FHIT: variants seen among roughly 807,000 people sequenced by gnomAD.
The protein encoded by FHIT is fragile histidine triad diadenosine triphosphatase, also known as bis(5'-adenosyl)-triphosphatase.
A neutral mutation model predicts 17.9 loss-of-function variants in FHIT; 19 were observed. The ratio of observed to expected loss-of-function variants is 1.06; its 90% CI spans 0.74 to 1.56. The LOEUF is 1.56. FHIT is among the 40% of genes most tolerant of loss of function. The probability of loss-of-function intolerance (pLI) is 0.00; values close to 1 mark genes in which losing one functional copy is unlikely to be tolerated. For missense variants in FHIT, 248 were observed against 189.2 expected, an observed-to-expected ratio of 1.31 and a Z score of -1.82; for synonymous variants, 81 against 69.7, an observed-to-expected ratio of 1.16 and a Z score of -0.81.
intron 5 of FHIT, among the ~76,000 whole-genome samples, chr3:60,057,257 A>T (rs1009918854): frequency 6.6e-6 from 1 of 152,142 alleles, no homozygotes; most frequent in Non-Finnish European, 1.5e-5. Flanking sequence ...GAAGTAGACT[A>T]GGGGAGTTAA....
At chr3:60,203,375 T>C (rs1201915377) in intron 5 of FHIT, among the ~76,000 whole-genome samples, 1 of 152,202 alleles carries the variant, frequency 6.6e-6, no homozygotes, top group Admixed American at 6.5e-5. Context: ...AAAAAATATT[T>C]GTATGATAAT....
intron 5 of FHIT, among the ~76,000 whole-genome samples, chr3:60,224,477 G>T (rs1393616766): frequency 6.6e-6 from 1 of 152,038 alleles, no homozygotes; most frequent in Admixed American, 6.6e-5. Flanking sequence ...GTTCTTCAAG[G>T]AATCTTCGAA....
chr3:60,783,241 G>C (rs1553726094), intron 4 of FHIT, among the ~76,000 whole-genome samples: 1 of 152,164 alleles, frequency 6.6e-6, no homozygotes, highest in African/African-American at 2.4e-5. Flanking sequence ...TGGGGGATGG[G>C]TGACACATAC....
intron 5 of FHIT, among the ~76,000 whole-genome samples, chr3:60,174,388 T>C (rs575994931): frequency 2.4e-4 from 37 of 152,270 alleles, no homozygotes; most frequent in African/African-American, 8.7e-4. Flanking sequence ...ATGCTCTGTC[T>C]TGATATGCTC....
At chr3:61,108,349 T>G (rs1332192387) in intron 2 of FHIT, among the ~76,000 whole-genome samples, 1 of 152,240 alleles carries the variant, frequency 6.6e-6, no homozygotes, top group Non-Finnish European at 1.5e-5. Flanking sequence ...TATTATTCAT[T>G]CAACATTCAC....
intron 5 of FHIT, among the ~76,000 whole-genome samples, chr3:60,027,134 C>CAAAA (rs1311478100): frequency 1.7e-5 from 2 of 119,778 alleles, no homozygotes; most frequent in South Asian, 3.0e-4. Flanking sequence ...CACACACACA[C>CAAAA]ACACACACAC....
chr3:61,005,586 A>G (rs2031391593), intron 3 of FHIT, among the ~76,000 whole-genome samples: 1 of 152,198 alleles, frequency 6.6e-6, no homozygotes, highest in Non-Finnish European at 1.5e-5. Flanking sequence ...GTTTCAGTAT[A>G]TAGTTGAAGT....
At chr3:61,161,801 T>G (rs947682298) in intron 2 of FHIT, among the ~76,000 whole-genome samples, 1 of 152,184 alleles carries the variant, frequency 6.6e-6, no homozygotes, top group Non-Finnish European at 1.5e-5. Context: ...ACCAGTGACA[T>G]TTTTTATCAA....
At chr3:60,631,106 A>T (rs373307065) in intron 4 of FHIT, among the ~76,000 whole-genome samples, 91 of 152,138 alleles carry the variant, frequency 6.0e-4, no homozygotes, top group African/African-American at 2.1e-3. Context: ...AACAGATAAA[A>T]GTCTCTGTCA....
intron 4 of FHIT, among the ~76,000 whole-genome samples, chr3:60,783,336 A>G (rs1700456846): frequency 6.6e-6 from 1 of 152,150 alleles, no homozygotes; most frequent in Non-Finnish European, 1.5e-5. Context: ...GAACAACGAT[A>G]AGTTAATGGA....
intron 4 of FHIT, among the ~76,000 whole-genome samples, chr3:60,775,800 T>C (rs534822990): frequency 6.6e-6 from 1 of 152,242 alleles, no homozygotes; most frequent in Admixed American, 6.5e-5. Context: ...CTGGGACACA[T>C]GGCCTAAGTG....
At chr3:60,372,427 A>T (rs1054722898) in intron 5 of FHIT, among the ~76,000 whole-genome samples, 5 of 152,174 alleles carry the variant, frequency 3.3e-5, no homozygotes, top group African/African-American at 1.2e-4. Context: ...ATTATGTTTA[A>T]AAACAGAGTT....
At chr3:60,649,626 A>G (rs368254573) in intron 4 of FHIT, among the ~76,000 whole-genome samples, 11 of 152,144 alleles carry the variant, frequency 7.2e-5, no homozygotes, top group African/African-American at 2.7e-4. Context: ...GGATGTGTCA[A>G]TTGTGTGAGT....
At chr3:61,008,079 C>A (rs1021520485) in intron 3 of FHIT, among the ~76,000 whole-genome samples, 2 of 152,168 alleles carry the variant, frequency 1.3e-5, no homozygotes, top group Non-Finnish European at 2.9e-5. Flanking sequence ...CTGGTTTCTC[C>A]CAAGAGCCCT....
At chr3:60,733,713 T>C (rs189033145) in intron 4 of FHIT, among the ~76,000 whole-genome samples, 284 of 152,344 alleles carry the variant, frequency 1.9e-3, no homozygotes, top group African/African-American at 6.5e-3. Flanking sequence ...CTGTGGTCCA[T>C]TGGTGAGCCC....
At chr3:60,100,573 C>T (rs77552887) in intron 5 of FHIT, among the ~76,000 whole-genome samples, 7 of 152,136 alleles carry the variant, frequency 4.6e-5, no homozygotes, top group East Asian at 1.9e-4. Context: ...ACTACGCTGA[C>T]CCCGAGTGGT....
At chr3:60,948,172 G>A (rs1008131091) in intron 3 of FHIT, among the ~76,000 whole-genome samples, 17 of 152,058 alleles carry the variant, frequency 1.1e-4, no homozygotes, top group African/African-American at 3.9e-4. Flanking sequence ...TTCCTAGCCT[G>A]CAGGTCTTAC....
At chr3:61,184,459 C>T (rs2038443412) in intron 2 of FHIT, among the ~76,000 whole-genome samples, 1 of 152,070 alleles carries the variant, frequency 6.6e-6, no homozygotes, top group Non-Finnish European at 1.5e-5. Flanking sequence ...TGGGATGACT[C>T]ACAGCAAGGA....
At chr3:60,375,049 A>G (rs937552857) in intron 5 of FHIT, among the ~76,000 whole-genome samples, 21 of 151,872 alleles carry the variant, frequency 1.4e-4, no homozygotes, top group African/African-American at 3.4e-4. Context: ...GAAGAGGGAG[A>G]GAAAAATGGT....
Sources: gnomAD v4.1 joint callset for allele counts (sites outside exome capture counted in the v4.1 genomes callset) on GRCh38, gnomAD v4.1.1 for gene constraint, MANE v1.5 for transcripts, NCBI Gene and HGNC (gene_info 2026-07-23, HGNC 2026-07-21) for gene names.